RYR2: variants seen among roughly 807,000 people sequenced by gnomAD.
RYR2 encodes the protein ryanodine receptor 2.
In RYR2, 227 loss-of-function variants were observed where a neutral mutation model predicts 601.1. The observed-to-expected ratio is 0.38, with a 90% CI of 0.34 to 0.42. RYR2 has a LOEUF of 0.42. Ranked by LOEUF, RYR2 falls within the 10% of genes least tolerant of loss-of-function variation. The probability of loss-of-function intolerance (pLI) is 1.00; values close to 1 mark genes in which losing one functional copy is unlikely to be tolerated. For missense variants in RYR2, 4,646 were observed against 6,156.5 expected (o/e 0.75, Z 8.21); for synonymous variants, 2,223 against 2,175.1 (o/e 1.02, Z -0.61).
chr1:237,584,306 C>T (rs748576365), intron 29 of RYR2, among the ~76,000 whole-genome samples: 1 of 152,160 alleles, frequency 6.6e-6, no homozygotes, highest in Non-Finnish European at 1.5e-5. Flanking sequence ...AGAGTGATGT[C>T]ATTTACCAAC....
At position 237,397,473 on chromosome 1, in the gene RYR2, G is replaced by A. The variant is rs965827788; in HGVS notation, c.773+9290G>A. ...CCAAGTCATAAGTGAATACATGGAG[G>A]TGATATACATCAGCCTTGCCTAAAA... On this transcript the variant is annotated intron_variant, in intron 10 of 104. Coordinates refer to ENST00000366574, the MANE Select transcript of RYR2 (RefSeq NM_001035.3). 5.3e-5 allele frequency among the ~76,000 whole-genome samples: 8 copies of A among 152,232 alleles called. No homozygotes were observed. The South Asian group carries it at 1.7e-3, about 32-fold the overall frequency.
At chr1:237,112,944 TCATATAA>T (rs1358785049) in intron 1 of RYR2, among the ~76,000 whole-genome samples, 5 of 152,150 alleles carry the variant, frequency 3.3e-5, no homozygotes, top group African/African-American at 9.7e-5. Context: ...AGCCCTGGCG[TCATATAA>T]CTATTTATTA....
intron 3 of RYR2, among the ~76,000 whole-genome samples, chr1:237,340,506 C>T (rs953768385): frequency 6.6e-6 from 1 of 152,148 alleles, no homozygotes; most frequent in Non-Finnish European, 1.5e-5. Context: ...TGTACGTCCT[C>T]ATAACTGTGA....
chr1:237,057,306 C>T (rs1471581026), intron 1 of RYR2, among the ~76,000 whole-genome samples: 3 of 152,158 alleles, frequency 2.0e-5, no homozygotes. Flanking sequence ...CTGCCTCAGC[C>T]TCCCGAGTAG....
At chr1:237,742,438 T>C (rs758283869) in intron 80 of RYR2, 89 bp downstream of exon 80, 9 of 990,112 alleles carry the variant, frequency 9.1e-6, no homozygotes, top group African/African-American at 1.6e-5. Flanking sequence ...TCTTGCTTCA[T>C]GGCTTATTGC....
intron 35 of RYR2, among the ~76,000 whole-genome samples, chr1:237,609,845 C>T (rs1677629432): frequency 1.3e-5 from 2 of 152,106 alleles, no homozygotes; most frequent in Admixed American, 1.3e-4. Flanking sequence ...TTATTTCATA[C>T]TTTCAGTGAG....
At chr1:237,136,470 G>A (rs1170457448) in intron 1 of RYR2, among the ~76,000 whole-genome samples, 1 of 152,114 alleles carries the variant, frequency 6.6e-6, no homozygotes, top group Non-Finnish European at 1.5e-5. Flanking sequence ...CCCACCGACT[G>A]GGGTGTCAGA....
intron 12 of RYR2, among the ~76,000 whole-genome samples, chr1:237,424,745 C>G (rs967401234): frequency 6.6e-6 from 1 of 152,120 alleles, no homozygotes. Flanking sequence ...GACCAATTTT[C>G]TGTATGCTTA....
intron 1 of RYR2, among the ~76,000 whole-genome samples, chr1:237,187,465 G>T (rs1227053750): frequency 1.2e-3 from 3 of 2,590 alleles, no homozygotes; most frequent in Non-Finnish European, 7.7e-3. Context: ...TTTTTTTTGA[G>T]ACAAGTCTCA....
At chr1:237,651,644 G>A in intron 51 of RYR2, 143 bp downstream of exon 51, 1 of 587,850 alleles carries the variant, frequency 1.7e-6, no homozygotes, top group Non-Finnish European at 3.0e-6. Flanking sequence ...AGAAGTTATA[G>A]GAATGTATAC....
At chr1:237,491,135 A>G (rs1663284854) in intron 17 of RYR2, among the ~76,000 whole-genome samples, 1 of 152,164 alleles carries the variant, frequency 6.6e-6, no homozygotes, top group Non-Finnish European at 1.5e-5. Context: ...GGCATATACT[A>G]TTTTATATTT....
chr1:237,560,841 C>T (rs766593920), intron 27 of RYR2, among the ~76,000 whole-genome samples: 2 of 152,142 alleles, frequency 1.3e-5, no homozygotes, highest in Non-Finnish European at 2.9e-5. Context: ...GAGCAGACTG[C>T]AAACAGATAA....
chr1:237,155,806 G>C (rs1393208512), intron 1 of RYR2, among the ~76,000 whole-genome samples: 4 of 152,100 alleles, frequency 2.6e-5, no homozygotes, highest in Non-Finnish European at 5.9e-5. Flanking sequence ...CTCTTAGAAG[G>C]CATAAAAATT....
In RYR2 at chr1:237,511,955, T is replaced by C. The variant is rs2618651; in HGVS notation, c.2822+164T>C. Among the ~76,000 whole-genome samples the C allele has an allele frequency of 0.7, 105,787 of 151,900 alleles. 37,133 individuals carry two copies. Among genetic ancestry groups the C allele is most frequent in the African/African-American group, 0.79 (32,867 of 41,426 alleles). On this transcript the variant is annotated intron_variant, in intron 24 of 104. Transcript: ENST00000366574. The stretch of plus-strand genomic sequence containing the variant: ...CATAAGTGGATTGGATCAGTATTTG[T>C]TGAGAATAAGACTTTGACCCTGTTA...
chr1:237,748,646 G>T lies in RYR2; in HGVS notation c.11145+6297G>T, dbSNP rs761865903. Among the ~76,000 whole-genome samples the T allele has an allele frequency of 7.2e-5, 11 of 152,280 alleles. No individual in the cohort carries two copies. The East Asian group carries it at 2.1e-3, about 29-fold the overall frequency. ...AGAAGGGCATAGGTTGGGCTGGGGG[G>T]TCCTGGCCTTGACACAAGGAAGATT... On this transcript the variant is annotated intron_variant, in intron 80 of 104. Coordinates refer to ENST00000366574, the MANE Select transcript of RYR2 (RefSeq NM_001035.3).
chr1:237,699,246 A>T (rs1294978949), intron 64 of RYR2, among the ~76,000 whole-genome samples: 2 of 152,298 alleles, frequency 1.3e-5, no homozygotes, highest in East Asian at 3.9e-4. Flanking sequence ...TTTCTGTAGC[A>T]GCTAGGACCA....
chr1:237,727,222 T>A, intron 76 of RYR2, 23 bp downstream of exon 76: 1 of 1,174,640 alleles, frequency 8.5e-7, no homozygotes, highest in Non-Finnish European at 1.2e-6. Context: ...TTATTTTTTG[T>A]AATAGATCAA....
At chr1:237,659,906 C>A in intron 54 of RYR2, 79 bp from the exon 55 acceptor site, 1 of 809,194 alleles carries the variant, frequency 1.2e-6, no homozygotes, top group Non-Finnish European at 1.9e-6. Context: ...TTATCAAACA[C>A]GCACTTAAAC....
chr1:237,295,891 G>T (rs993084194), intron 2 of RYR2, among the ~76,000 whole-genome samples: 308 of 91,908 alleles, frequency 3.4e-3, no homozygotes, highest in Non-Finnish European at 7.3e-3. Flanking sequence ...GATCGAGACA[G>T]AGTGCACCAT....
Sources: allele counts gnomAD v4.1 joint callset (sites outside exome capture counted in the v4.1 genomes callset), GRCh38; gene constraint gnomAD v4.1.1; transcripts MANE v1.5; gene names NCBI Gene and HGNC (gene_info 2026-07-23, HGNC 2026-07-21).